The following STK4 variants were observed in gnomAD, a reference collection of about 807,000 sequenced individuals.
STK4 encodes the protein serine/threonine-protein kinase 4.
A neutral mutation model predicts 64.9 loss-of-function variants in STK4; 30 were observed. The ratio of observed to expected loss-of-function variants is 0.46; its 90% CI spans 0.35 to 0.63. The LOEUF is 0.63. Among genes scored for constraint, STK4 ranks in the 20% least tolerant of loss-of-function variants. STK4 has a pLI of 0.01. For synonymous variants in STK4, 177 were observed against 199.0 expected (o/e 0.89, Z 0.93); for missense variants, 466 against 598.5 (o/e 0.78, Z 2.31).
chr20:44,998,547 C>G (rs1391622423), intron 7 of STK4, among the ~76,000 whole-genome samples: 1 of 152,120 alleles, frequency 6.6e-6, no homozygotes, highest in African/African-American at 2.4e-5. Context: ...TTTAAAAACT[C>G]TCATTACTTT....
At chr20:44,997,053 A>G in intron 6 of STK4, 116 bp from the exon 7 acceptor site, 1 of 1,448,670 alleles carries the variant, frequency 6.9e-7, no homozygotes, top group Non-Finnish European at 9.5e-7. Flanking sequence ...TGAGCTTCTC[A>G]GTGGGTAAGT....
intron 9 of STK4, among the ~76,000 whole-genome samples, chr20:45,011,460 T>A (rs1375607218): frequency 6.6e-6 from 1 of 152,124 alleles, no homozygotes; most frequent in African/African-American, 2.4e-5. Context: ...ATTGGATACC[T>A]CATACTTGGC....
chr20:45,002,473 A>T (rs1193945207), intron 9 of STK4, among the ~76,000 whole-genome samples: 1 of 152,216 alleles, frequency 6.6e-6, no homozygotes, highest in Non-Finnish European at 1.5e-5. Flanking sequence ...AAGCAGTCAC[A>T]GTCTGAGTAA....
chr20:44,970,162 T>C (rs1171532996), intron 1 of STK4, among the ~76,000 whole-genome samples: 1 of 152,036 alleles, frequency 6.6e-6, no homozygotes, highest in East Asian at 1.9e-4. Context: ...CACACCAGCA[T>C]GGCACATGTA....
rs1300901187 is a variant in STK4 at position 45,079,975 on chromosome 20, A to G, written c.*4799A>G. The G allele has an allele frequency of 6.6e-6, 1 of 152,326 alleles. No individual in the cohort carries two copies. The highest frequency in any genetic ancestry group is 2.1e-4 in the South Asian group (1 of 4,830). The allele number at this position is 152,326 out of a possible 1,614,324, so 9.4% of individuals were successfully genotyped here. A position where few individuals can be genotyped will look rare whatever the true frequency, so the allele number is the denominator to read the frequency against. ...CAAACCCTTATTAACGAGAACCTCA[A>G]TATATAGCCTGGATAATGGTGTTGT... On this transcript the variant is annotated 3_prime_UTR_variant, in exon 11 of 11. Transcript: ENST00000372806.
At chr20:45,052,947 A>G (rs550654353) in intron 10 of STK4, 6 of 639,288 alleles carry the variant, frequency 9.4e-6, no homozygotes, top group East Asian at 8.2e-5. Context: ...TGAGAAGACT[A>G]TCCTAAATTG....
intron 10 of STK4, among the ~76,000 whole-genome samples, chr20:45,039,265 G>C (rs1471969710): frequency 6.6e-6 from 1 of 151,944 alleles, no homozygotes; most frequent in Admixed American, 6.6e-5. Flanking sequence ...GAAGATGTTG[G>C]TTCATTCAGT....
chr20:45,001,714 A>G (rs1428512641), intron 9 of STK4, among the ~76,000 whole-genome samples: 1 of 152,194 alleles, frequency 6.6e-6, no homozygotes, highest in Non-Finnish European at 1.5e-5. Context: ...TGAGTTATTT[A>G]CTGTACATAC....
At chr20:45,017,913 A>T (rs2068172899) in intron 9 of STK4, among the ~76,000 whole-genome samples, 1 of 152,214 alleles carries the variant, frequency 6.6e-6, no homozygotes, top group Non-Finnish European at 1.5e-5. Context: ...GCTTAACTGG[A>T]AGAGTTATTC....
chr20:45,073,342 G>A (rs1980243986), intron 10 of STK4, among the ~76,000 whole-genome samples: 1 of 151,814 alleles, frequency 6.6e-6, no homozygotes, highest in Non-Finnish European at 1.5e-5. Context: ...CTTTCGTCTT[G>A]AACTATTAGG....
At chr20:44,994,732 A>G (rs2145682564) in intron 5 of STK4, among the ~76,000 whole-genome samples, 1 of 152,166 alleles carries the variant, frequency 6.6e-6, no homozygotes, top group East Asian at 1.9e-4. Context: ...CTTATGTACT[A>G]AAATGTACCA....
At chr20:45,055,085 C>T (rs1978354463) in intron 10 of STK4, among the ~76,000 whole-genome samples, 2 of 152,130 alleles carry the variant, frequency 1.3e-5, no homozygotes, top group Admixed American at 6.5e-5. Context: ...CCCTGCTTCT[C>T]TTACATGGGG....
intron 9 of STK4, among the ~76,000 whole-genome samples, chr20:45,005,031 A>G (rs1199988420): frequency 1.3e-5 from 2 of 151,410 alleles, no homozygotes; most frequent in African/African-American, 2.4e-5. Context: ...TTGGCCTCCC[A>G]AAGTGCTGGG....
chr20:45,072,475 A>G (rs533914696), intron 10 of STK4, among the ~76,000 whole-genome samples: 30 of 152,352 alleles, frequency 2.0e-4, no homozygotes, highest in South Asian at 8.3e-4. Context: ...TAATATAAAA[A>G]TAATTTACTA....
intron 2 of STK4, among the ~76,000 whole-genome samples, chr20:44,977,035 C>T (rs1158728153): frequency 6.6e-6 from 1 of 152,178 alleles, no homozygotes; most frequent in Non-Finnish European, 1.5e-5. Flanking sequence ...CTAGTTCAGT[C>T]ACTGGCAGAA....
intron 9 of STK4, among the ~76,000 whole-genome samples, chr20:45,010,966 G>C (rs2068033894): frequency 6.6e-6 from 1 of 152,202 alleles, no homozygotes; most frequent in Admixed American, 6.5e-5. Flanking sequence ...TGCAGTTGGA[G>C]AGAAGGGATT....
At chr20:45,053,276 TGAAA>T in intron 10 of STK4, 1 of 1,027,596 alleles carries the variant, frequency 9.7e-7, no homozygotes, top group Non-Finnish European at 1.5e-6. Context: ...ACTCAGTTAT[TGAAA>T]TGGCTTTGAG....
chr20:45,066,579 T>C (rs1979595297), intron 10 of STK4, among the ~76,000 whole-genome samples: 1 of 152,252 alleles, frequency 6.6e-6, no homozygotes, highest in African/African-American at 2.4e-5. Context: ...CCCAGGCTTA[T>C]GATCTGCATT....
intron 9 of STK4, among the ~76,000 whole-genome samples, chr20:45,023,656 A>C (rs1280758524): frequency 2.0e-5 from 3 of 152,138 alleles, no homozygotes; most frequent in East Asian, 3.8e-4. Flanking sequence ...TGATTTTTAA[A>C]TCATGCCAGG....
Sources: allele counts gnomAD v4.1 joint callset (sites outside exome capture counted in the v4.1 genomes callset), GRCh38; gene constraint gnomAD v4.1.1; transcripts MANE v1.5; gene names NCBI Gene and HGNC (gene_info 2026-07-23, HGNC 2026-07-21).